Variants in DYNLRB1 observed in about 807,000 individuals in gnomAD.
The protein encoded by DYNLRB1 is ROBL/LC7-like 1.
In DYNLRB1, 6 loss-of-function variants were observed where a neutral mutation model predicts 13.5. The ratio of observed to expected loss-of-function variants is 0.44; its 90% CI spans 0.24 to 0.88. DYNLRB1 has a LOEUF of 0.88. Ranked by LOEUF, DYNLRB1 falls within the 40% of genes least tolerant of loss-of-function variation. The probability of loss-of-function intolerance (pLI) is 0.21; values close to 1 mark genes in which losing one functional copy is unlikely to be tolerated. For missense variants in DYNLRB1, 93 were observed against 127.2 expected, an observed-to-expected ratio of 0.73 and a Z score of 1.29; for synonymous variants, 43 against 45.0, an observed-to-expected ratio of 0.96 and a Z score of 0.18.
chr20:34,536,816 G>A (rs1981187494), intron 3 of DYNLRB1, among the ~76,000 whole-genome samples: 1 of 151,836 alleles, frequency 6.6e-6, no homozygotes. Flanking sequence ...CAGACCTTGT[G>A]CTCCCCAGTG....
At position 34,540,913 on chromosome 20, in the gene DYNLRB1, T is replaced by C; in HGVS notation, c.*289T>C. 1 of 398,112 alleles carries C rather than the reference T, an allele frequency of 2.5e-6. No homozygotes were observed. The highest frequency in any genetic ancestry group is 6.5e-5 in the South Asian group (1 of 15,280). The allele number at this position is 398,112 out of a possible 1,614,324, so 24.7% of individuals were successfully genotyped here. Reference sequence around the variant, plus strand: ...TGACCTTCAGTTCACTTTGTCGCCCTTGGAGAAAGCTGTTTTTCTTTAACT... The same window carrying C: ...TGACCTTCAGTTCACTTTGTCGCCCCTGGAGAAAGCTGTTTTTCTTTAACT... On this transcript the variant is annotated 3_prime_UTR_variant, in exon 4 of 4. Transcript: ENST00000357156.
At chr20:34,520,446 T>C (rs1979621530) in intron 1 of DYNLRB1, among the ~76,000 whole-genome samples, 1 of 152,136 alleles carries the variant, frequency 6.6e-6, no homozygotes, top group African/African-American at 2.4e-5. Context: ...TCCCATTTCT[T>C]TTTGGTTTGT....
intron 3 of DYNLRB1, among the ~76,000 whole-genome samples, chr20:34,539,890 AGC>A (rs1447633086): frequency 6.6e-6 from 1 of 152,014 alleles, no homozygotes; most frequent in African/African-American, 2.4e-5. Context: ...GGATCACCTG[AGC>A]CCAGGAGGTC....
At chr20:34,529,779 C>T in intron 2 of DYNLRB1, 1 of 1,259,224 alleles carries the variant, frequency 7.9e-7, no homozygotes, top group South Asian at 2.6e-5. Context: ...CCCTGGCAAG[C>T]ACAGAGCTAG....
At chr20:34,527,877 C>T (rs1044354078) in intron 2 of DYNLRB1, among the ~76,000 whole-genome samples, 7 of 152,192 alleles carry the variant, frequency 4.6e-5, no homozygotes, top group Admixed American at 2.0e-4. Context: ...CCCAGGGGTC[C>T]TGTGCTACCC....
At chr20:34,536,373 C>T in intron 3 of DYNLRB1, 1 of 985,344 alleles carries the variant, frequency 1.0e-6, no homozygotes, top group Non-Finnish European at 1.2e-6. Flanking sequence ...GGGGAAAAAG[C>T]CTTGGAATCA....
chr20:34,518,175 C>T (rs1467683226), intron 1 of DYNLRB1, among the ~76,000 whole-genome samples: 6 of 151,684 alleles, frequency 4.0e-5, no homozygotes, highest in African/African-American at 7.3e-5. Flanking sequence ...ATCAGTTGGC[C>T]GTAAATAAGT....
In DYNLRB1 at chr20:34,531,408, C is replaced by G. The variant is rs1980704317; in HGVS notation, c.80-3220C>G. On this transcript the variant is annotated intron_variant, in intron 2 of 3. Transcript: ENST00000357156. Reference sequence around the variant, plus strand: ...GCCTAATAACTAGGCCGTCTCAGGTCTCCTCCAGCTCCAGCATCCAGTGAA... The same window carrying G: ...GCCTAATAACTAGGCCGTCTCAGGTGTCCTCCAGCTCCAGCATCCAGTGAA... Among the ~76,000 whole-genome samples the G allele has an allele frequency of 2.6e-5, 4 of 152,162 alleles. No homozygotes were observed. In the South Asian group the frequency reaches 8.3e-4, roughly 32 times the overall value.
chr20:34,540,367 G>A lies in DYNLRB1; in HGVS notation c.248-214G>A, dbSNP rs769243999. Among the ~76,000 whole-genome samples, 3 of 152,216 alleles carry A rather than the reference G, an allele frequency of 2.0e-5. No individual in the cohort carries two copies. The East Asian group carries it at 5.8e-4, about 29-fold the overall frequency. On this transcript the variant is annotated intron_variant, in intron 3 of 3. Transcript: ENST00000357156. ...CACACTGTAGAGTGCCCGCTGCCCG[G>A]TATGGGGAGGCCCCTCTTGCAGGAG...
intron 3 of DYNLRB1, among the ~76,000 whole-genome samples, chr20:34,540,359 G>A (rs932464859): frequency 2.6e-5 from 4 of 152,204 alleles, no homozygotes; most frequent in Admixed American, 6.5e-5. Context: ...TAGAGTGCCC[G>A]CTGCCCGGTA....
At chr20:34,536,744 C>CAA (rs560286767) in intron 3 of DYNLRB1, among the ~76,000 whole-genome samples, 8 of 55,862 alleles carry the variant, frequency 1.4e-4, no homozygotes, top group Admixed American at 2.0e-4. Flanking sequence ...GACTCTGTCT[C>CAA]AAAAAAAAAA....
chr20:34,533,867 T>C (rs1980905225), intron 2 of DYNLRB1, among the ~76,000 whole-genome samples: 1 of 151,728 alleles, frequency 6.6e-6, no homozygotes, highest in South Asian at 2.1e-4. Flanking sequence ...CAGGGTGCGA[T>C]GGCTCACGTC....
chr20:34,517,614 ACATT>A (rs1372104843), intron 1 of DYNLRB1, among the ~76,000 whole-genome samples: 5 of 150,492 alleles, frequency 3.3e-5, no homozygotes, highest in African/African-American at 4.9e-5. Context: ...ATCACCTTAA[ACATT>A]CATTATTTCT....
upstream of DYNLRB1, among the ~76,000 whole-genome samples, chr20:34,515,635 G>A (rs1192922983): frequency 2.2e-5 from 1 of 46,432 alleles, no homozygotes; most frequent in Admixed American, 1.2e-4. Context: ...CATCTTACCC[G>A]GAGACTCGAG....
At chr20:34,529,467 G>A (rs1233740701) in intron 2 of DYNLRB1, among the ~76,000 whole-genome samples, 5 of 152,178 alleles carry the variant, frequency 3.3e-5, no homozygotes, top group Admixed American at 6.5e-5. Flanking sequence ...GGTGGCTCAC[G>A]CCTGTAATCT....
chr20:34,522,469 C>CTTTTTTTTTTTTTTTTTTTTTTTTTT (rs771811577), intron 1 of DYNLRB1, among the ~76,000 whole-genome samples: 8 of 77,212 alleles, frequency 1.0e-4, no homozygotes, highest in Non-Finnish European at 9.4e-5. Flanking sequence ...TTTTCTTTTT[C>CTTTTTTTTTTTTTTTTTTTTTTTTTT]TTTTTTTTTT....
intron 1 of DYNLRB1, among the ~76,000 whole-genome samples, chr20:34,517,667 C>G (rs1003705544): frequency 1.6e-5 from 2 of 126,882 alleles, no homozygotes; most frequent in African/African-American, 5.9e-5. Flanking sequence ...GTGTCTCTGT[C>G]GCTCAGGCTG....
At chr20:34,540,546 AT>A (rs1164335996) in intron 3 of DYNLRB1, 34 bp from the exon 4 acceptor site, 1 of 1,593,770 alleles carries the variant, frequency 6.3e-7, no homozygotes, top group Non-Finnish European at 8.6e-7. Flanking sequence ...CTCATTTTAC[AT>A]TTAGTGATTT....
intron 1 of DYNLRB1, among the ~76,000 whole-genome samples, chr20:34,525,214 C>T (rs1980098779): frequency 6.6e-6 from 1 of 151,484 alleles, no homozygotes; most frequent in Non-Finnish European, 1.5e-5. Flanking sequence ...AATGGAGCCT[C>T]TGTTTCTAAC....
Sources: gnomAD v4.1 joint callset for allele counts (sites outside exome capture counted in the v4.1 genomes callset) on GRCh38, gnomAD v4.1.1 for gene constraint, MANE v1.5 for transcripts, NCBI Gene and HGNC (gene_info 2026-07-23, HGNC 2026-07-21) for gene names.